The following GBE1 variants were observed in gnomAD, a reference collection of about 807,000 sequenced individuals.
GBE1 encodes the protein 1,4-alpha-glucan branching enzyme 1.
In GBE1, 70 loss-of-function variants were observed where a neutral mutation model predicts 88.8. The observed-to-expected ratio is 0.79, with a 90% CI of 0.65 to 0.96. GBE1 has a LOEUF of 0.96. Ranked by LOEUF, GBE1 falls within the 40% of genes least tolerant of loss-of-function variation. The probability of loss-of-function intolerance (pLI) is 0.00; values close to 1 mark genes in which losing one functional copy is unlikely to be tolerated. For missense variants in GBE1, 872 were observed against 871.0 expected (o/e 1.00, Z -0.01); for synonymous variants, 284 against 300.1 (o/e 0.95, Z 0.56).
Position 81,535,178 on chromosome 3 carries a change from G to A in GBE1, c.1934+17C>T. 1 of 1,600,936 alleles carries A rather than the reference G, an allele frequency of 6.2e-7. No individual in the cohort carries two copies. On this transcript the variant is annotated intron_variant, in intron 14 of 15. Coordinates refer to ENST00000429644, the MANE Select transcript of GBE1 (RefSeq NM_000158.4). ...GTGAATGTGGACAGTCATATTCACTGGTAACAAAAAGGATATTTCCCTGGC... is the reference window on the plus strand; with the variant it reads ...GTGAATGTGGACAGTCATATTCACTAGTAACAAAAAGGATATTTCCCTGGC...
chr3:81,654,304 A>C lies in GBE1; in HGVS notation c.430-4383T>G, dbSNP rs997184623. On this transcript the variant is annotated intron_variant, in intron 3 of 15. Transcript: ENST00000429644. ...TCAAATACACAATATAAAAAACAGT[A>C]AATGTTGAAGACAAAAAAGTGTGTG... 5.3e-5 allele frequency among the ~76,000 whole-genome samples: 8 copies of C among 151,924 alleles called. 1 individual carries two copies. Among genetic ancestry groups the C allele is most frequent in the African/African-American group, 1.9e-4 (8 of 41,536 alleles).
intron 14 of GBE1, among the ~76,000 whole-genome samples, chr3:81,515,128 T>C (rs1373678060): frequency 1.3e-5 from 2 of 151,662 alleles, no homozygotes; most frequent in African/African-American, 4.8e-5. Flanking sequence ...TCGCACTTTA[T>C]TGCACTTTAC....
intron 2 of GBE1, among the ~76,000 whole-genome samples, chr3:81,673,289 G>C (rs1391322846): frequency 6.6e-6 from 1 of 151,834 alleles, no homozygotes; most frequent in East Asian, 1.9e-4. Context: ...TGAAAATAAA[G>C]GGTATAGTTC....
intron 12 of GBE1, among the ~76,000 whole-genome samples, chr3:81,567,112 A>C (rs1311052941): frequency 6.6e-6 from 1 of 152,134 alleles, no homozygotes; most frequent in East Asian, 1.9e-4. Flanking sequence ...CACGCTCATC[A>C]TCCCCTCAGA....
intron 1 of GBE1, among the ~76,000 whole-genome samples, chr3:81,734,982 C>T (rs1353336725): frequency 1.3e-5 from 2 of 152,056 alleles, no homozygotes; most frequent in Admixed American, 1.3e-4. Context: ...GGATCTGAAT[C>T]ATCCCTTTAT....
chr3:81,614,355 G>A (rs970104480), intron 7 of GBE1, among the ~76,000 whole-genome samples: 3 of 152,204 alleles, frequency 2.0e-5, no homozygotes, highest in Non-Finnish European at 4.4e-5. Flanking sequence ...CAATCAAAAT[G>A]TTCTTAATTG....
chr3:81,673,379 C>T (rs1181379766), intron 2 of GBE1, among the ~76,000 whole-genome samples: 2 of 151,752 alleles, frequency 1.3e-5, no homozygotes, highest in African/African-American at 4.8e-5. Flanking sequence ...AAATTTAGTG[C>T]TCTAAATTCG....
intron 14 of GBE1, among the ~76,000 whole-genome samples, chr3:81,525,166 T>A (rs2106852704): frequency 6.6e-6 from 1 of 152,008 alleles, no homozygotes; most frequent in South Asian, 2.1e-4. Flanking sequence ...TAGGATTTCC[T>A]TTGTGGCCTA....
chr3:81,646,348 A>G (rs370128031), intron 6 of GBE1, 44 bp downstream of exon 6: 20 of 1,207,860 alleles, frequency 1.7e-5, no homozygotes, highest in Admixed American at 1.6e-4. Flanking sequence ...TCTTTAAATT[A>G]TTGGCTCAAA....
intron 12 of GBE1, among the ~76,000 whole-genome samples, chr3:81,568,042 C>T (rs1703519744): frequency 6.6e-6 from 1 of 152,174 alleles, no homozygotes; most frequent in Non-Finnish European, 1.5e-5. Context: ...TTTCCCACCC[C>T]TGGGCTTTTG....
intron 14 of GBE1, 91 bp from the exon 15 acceptor site, chr3:81,499,318 G>A: frequency 2.6e-6 from 2 of 768,324 alleles, no homozygotes; most frequent in Non-Finnish European, 4.6e-6. Context: ...GTGAGTTTTT[G>A]AGCAGTGTTA....
At chr3:81,686,831 T>C (rs2107138519) in intron 2 of GBE1, among the ~76,000 whole-genome samples, 1 of 152,312 alleles carries the variant, frequency 6.6e-6, no homozygotes, top group South Asian at 2.1e-4. Flanking sequence ...ACATTATTAA[T>C]GCCTTAGTAT....
intron 14 of GBE1, among the ~76,000 whole-genome samples, chr3:81,525,925 CTTCT>C (rs1702937575): frequency 6.6e-6 from 1 of 151,822 alleles, no homozygotes; most frequent in Admixed American, 6.6e-5. Flanking sequence ...TCTCTCTTTT[CTTCT>C]TTATTAGTCT....
intron 1 of GBE1, among the ~76,000 whole-genome samples, chr3:81,747,627 T>C (rs1430326715): frequency 1.3e-5 from 2 of 152,186 alleles, no homozygotes; most frequent in African/African-American, 2.4e-5. Flanking sequence ...TGGCCTGAAG[T>C]AACTGAAGAA....
chr3:81,759,506 A>G (rs1314432146), intron 1 of GBE1, among the ~76,000 whole-genome samples: 1 of 152,250 alleles, frequency 6.6e-6, no homozygotes, highest in Non-Finnish European at 1.5e-5. Context: ...TGAAGGAAAA[A>G]TGTTTTATTC....
intron 1 of GBE1, among the ~76,000 whole-genome samples, chr3:81,750,659 G>GTGTA (rs61309629): frequency 0.053 from 1,882 of 35,234 alleles, 284 homozygotes; most frequent in East Asian, 0.31. Context: ...ATATATATAT[G>GTGTA]TATATATATA....
At chr3:81,728,223 T>G (rs1706138740) in intron 1 of GBE1, among the ~76,000 whole-genome samples, 1 of 152,064 alleles carries the variant, frequency 6.6e-6, no homozygotes, top group South Asian at 2.1e-4. Context: ...TATCATAGAA[T>G]CAAAAACGTC....
intron 1 of GBE1, among the ~76,000 whole-genome samples, chr3:81,755,183 A>G (rs1706585204): frequency 6.6e-6 from 1 of 152,150 alleles, no homozygotes; most frequent in Non-Finnish European, 1.5e-5. Context: ...CTCAAAAGAA[A>G]ACATATAAAT....
chr3:81,536,931 C>A lies in GBE1; in HGVS notation c.1783G>T (p.Gly595Cys), dbSNP rs1332265455. 2 of 1,584,532 alleles carry A rather than the reference C, an allele frequency of 1.3e-6. No homozygotes were observed. Among genetic ancestry groups the A allele is most frequent in the African/African-American group, 2.7e-5 (2 of 72,944 alleles). ...CTTACCTGTGGAGCTGCAAGCCAAC[C>A]ATATCTTTCTTCCAATCTATTCATA... is the stretch of plus-strand genomic sequence containing the variant. ...RDMNRLEERY[G>C]WLAAPQAYVS... Residue 595 changes from glycine (G) to cysteine (C), a missense_variant, in exon 13 of 16, where the codon GGT (glycine) becomes TGT (cysteine). By Grantham distance (159) the Gly-to-Cys change is radical. Coordinates refer to ENST00000429644, the MANE Select transcript of GBE1 (RefSeq NM_000158.4).
Sources: allele counts gnomAD v4.1 joint callset (sites outside exome capture counted in the v4.1 genomes callset), GRCh38; gene constraint gnomAD v4.1.1; transcripts MANE v1.5; gene names NCBI Gene and HGNC (gene_info 2026-07-23, HGNC 2026-07-21).